RPTOR: variants seen among roughly 807,000 people sequenced by gnomAD.
The protein encoded by RPTOR is regulatory-associated protein of mTOR.
A neutral mutation model predicts 169.9 loss-of-function variants in RPTOR; 21 were observed. The observed-to-expected ratio is 0.12, with a 90% CI of 0.09 to 0.18. The LOEUF is 0.18. Among genes scored for constraint, RPTOR ranks in the 10% least tolerant of loss-of-function variants. RPTOR has a pLI of 1.00. For missense variants in RPTOR, 1,133 were observed against 1,855.9 expected (o/e 0.61, Z 7.16); for synonymous variants, 732 against 753.2 (o/e 0.97, Z 0.46).
chr17:80,766,688 A>T (rs1266188251), intron 6 of RPTOR, among the ~76,000 whole-genome samples: 1 of 152,176 alleles, frequency 6.6e-6, no homozygotes, highest in East Asian at 1.9e-4. Flanking sequence ...TTGTAAGCTC[A>T]CTGTTTGTCA....
chr17:80,669,530 G>A (rs1414961702), intron 3 of RPTOR, among the ~76,000 whole-genome samples: 5 of 152,184 alleles, frequency 3.3e-5, no homozygotes, highest in South Asian at 2.1e-4. Flanking sequence ...GATTACAGGC[G>A]TGCGCCACCA....
At chr17:80,755,590 T>G (rs1345730862) in intron 6 of RPTOR, among the ~76,000 whole-genome samples, 2 of 151,548 alleles carry the variant, frequency 1.3e-5, no homozygotes, top group South Asian at 2.1e-4. Flanking sequence ...TACAAAAAAA[T>G]TAGCTGGATG....
chr17:80,901,722 C>T (rs1282555495), intron 20 of RPTOR, among the ~76,000 whole-genome samples: 2 of 152,206 alleles, frequency 1.3e-5, no homozygotes, highest in African/African-American at 4.8e-5. Context: ...CCATGGCAAC[C>T]TGGAGAGTCC....
intron 9 of RPTOR, among the ~76,000 whole-genome samples, chr17:80,828,619 G>A (rs78746288): frequency 0.051 from 7,771 of 152,278 alleles, 697 homozygotes; most frequent in African/African-American, 0.18. Context: ...TGCCCACCGT[G>A]CTCACCCTGC....
intron 1 of RPTOR, chr17:80,602,616 G>A: frequency 1.6e-6 from 1 of 642,968 alleles, no homozygotes; most frequent in Non-Finnish European, 2.9e-6. Context: ...GGTAACCAAA[G>A]TATAGAACTT....
chr17:80,594,787 G>A (rs1382142341), intron 1 of RPTOR, among the ~76,000 whole-genome samples: 1 of 152,208 alleles, frequency 6.6e-6, no homozygotes, highest in African/African-American at 2.4e-5. Flanking sequence ...AACAGTGGCT[G>A]CACTGTGGCT....
chr17:80,745,822 A>G (rs1598276308), intron 5 of RPTOR, among the ~76,000 whole-genome samples: 1 of 152,340 alleles, frequency 6.6e-6, no homozygotes, highest in Admixed American at 6.5e-5. Flanking sequence ...TGCCTCTTAT[A>G]TGTATTTGAG....
rs2069312203 is a variant in RPTOR, at chr17:80,959,886, C to G, written c.3478-192C>G. On this transcript the variant is annotated intron_variant, in intron 29 of 33. Transcript: ENST00000306801. The surrounding 1 kb of genome is among the most constrained non-coding windows in gnomAD (Gnocchi z 6.7). ...GGCGTGACTCATTGTCCTGCCAGCC[C>G]CTGCCTCTCCCTGGGACTCCTGGGC... 6.6e-6 allele frequency among the ~76,000 whole-genome samples: 1 copy of G among 152,166 alleles called. No homozygotes were observed. The highest frequency in any genetic ancestry group is 1.5e-5 in the Non-Finnish European group (1 of 68,022).
chr17:80,907,730 G>A (rs1001824038), intron 20 of RPTOR, among the ~76,000 whole-genome samples: 3 of 152,138 alleles, frequency 2.0e-5, no homozygotes, highest in Admixed American at 6.5e-5. Flanking sequence ...CCAAGGCTCC[G>A]CGTCCCCATC....
chr17:80,795,618 A>G (rs1180007334), intron 7 of RPTOR, among the ~76,000 whole-genome samples: 1 of 152,124 alleles, frequency 6.6e-6, no homozygotes, highest in East Asian at 1.9e-4. Flanking sequence ...GGCAGTTTTC[A>G]AAACACACCC....
At chr17:80,718,589 C>G (rs144071903) in intron 4 of RPTOR, among the ~76,000 whole-genome samples, 9 of 152,116 alleles carry the variant, frequency 5.9e-5, no homozygotes, top group Non-Finnish European at 2.9e-5. Context: ...CTGGAGAAGG[C>G]GGTGCTTGCT....
At chr17:80,910,350 G>A (rs1340555716) in intron 21 of RPTOR, among the ~76,000 whole-genome samples, 1 of 152,122 alleles carries the variant, frequency 6.6e-6, no homozygotes, top group African/African-American at 2.4e-5. Flanking sequence ...TATTTGTCCT[G>A]GTTTTCTAGT....
intron 3 of RPTOR, among the ~76,000 whole-genome samples, chr17:80,658,253 T>A (rs2065694957): frequency 6.6e-6 from 1 of 152,246 alleles, no homozygotes; most frequent in South Asian, 2.1e-4. Flanking sequence ...CTGTTCAGGG[T>A]CATGTTTCTT....
chr17:80,767,686 A>G (rs2066801514), intron 6 of RPTOR, among the ~76,000 whole-genome samples: 1 of 152,220 alleles, frequency 6.6e-6, no homozygotes, highest in Non-Finnish European at 1.5e-5. Context: ...TGCTGACCAT[A>G]TTAAGTTGCT....
intron 4 of RPTOR, among the ~76,000 whole-genome samples, chr17:80,727,827 G>C (rs565456531): frequency 4.6e-4 from 70 of 152,226 alleles, no homozygotes; most frequent in African/African-American, 1.6e-3. Context: ...TGGATATCTA[G>C]AAGTAGTCAG....
intron 5 of RPTOR, among the ~76,000 whole-genome samples, chr17:80,753,585 AT>A (rs2066650666): frequency 6.9e-6 from 1 of 144,196 alleles, no homozygotes; most frequent in East Asian, 2.1e-4. Flanking sequence ...GTGAGTCGAG[AT>A]CGCGCCACTG....
chr17:80,926,287 T>C (rs1168179859), intron 24 of RPTOR, among the ~76,000 whole-genome samples: 1 of 152,228 alleles, frequency 6.6e-6, no homozygotes, highest in Non-Finnish European at 1.5e-5. Flanking sequence ...AGGCAGCCCC[T>C]GAGGCAGGCA....
chr17:80,755,361 G>T (rs2066669952), intron 6 of RPTOR, among the ~76,000 whole-genome samples: 1 of 152,182 alleles, frequency 6.6e-6, no homozygotes, highest in African/African-American at 2.4e-5. Flanking sequence ...AGCACTTTAG[G>T]AGGCTGAGGC....
At chr17:80,884,064 A>G in intron 16 of RPTOR, 92 bp downstream of exon 16, 1 of 1,325,238 alleles carries the variant, frequency 7.5e-7, no homozygotes, top group African/African-American at 1.5e-5. Context: ...GTGGCCGGCC[A>G]CGTGTCCAGG....
Sources: gnomAD v4.1 joint callset for allele counts (sites outside exome capture counted in the v4.1 genomes callset) on GRCh38, gnomAD v4.1.1 for gene constraint, Gnocchi (gnomAD v3.1) non-coding constraint, MANE v1.5 for transcripts, NCBI Gene and HGNC (gene_info 2026-07-23, HGNC 2026-07-21) for gene names.